Variants in NIT2 observed in about 807,000 individuals in gnomAD.
NIT2 encodes the protein omega-amidase NIT2.
Under a neutral mutation model 42.7 loss-of-function variants are expected in NIT2, and 46 were observed. That is an observed-to-expected ratio of 1.08 (90% CI 0.85 to 1.38). The LOEUF (loss-of-function observed/expected upper bound fraction) is 1.38, where lower values mean the gene tolerates loss of function less well. NIT2 is among the 40% of genes most tolerant of loss of function. The pLI is 0.00. For missense variants in NIT2, 309 were observed against 342.5 expected (o/e 0.90, Z 0.77); for synonymous variants, 123 against 121.9 (o/e 1.01, Z -0.06).
chr3:100,336,437 C>T (rs1252609781), intron 1 of NIT2, among the ~76,000 whole-genome samples: 1 of 151,992 alleles, frequency 6.6e-6, no homozygotes, highest in Non-Finnish European at 1.5e-5. Flanking sequence ...TAGGGGGGCC[C>T]AGGGGACCAG....
intron 1 of NIT2, among the ~76,000 whole-genome samples, chr3:100,337,963 T>TA (rs1213643768): frequency 6.6e-6 from 1 of 152,034 alleles, no homozygotes; most frequent in Non-Finnish European, 1.5e-5. Flanking sequence ...CCCAGCTACA[T>TA]AAGAGGCTGA....
intron 8 of NIT2, 36 bp from the exon 9 acceptor site, chr3:100,354,736 A>G: frequency 6.4e-7 from 1 of 1,553,156 alleles, no homozygotes; most frequent in South Asian, 1.2e-5. Flanking sequence ...ACCAAACATC[A>G]GTGAATCCAC....
intron 4 of NIT2, 23 bp downstream of exon 4, chr3:100,341,184 G>A: frequency 6.4e-7 from 1 of 1,554,322 alleles, no homozygotes; most frequent in Non-Finnish European, 8.9e-7. Context: ...TGTGGCATAA[G>A]AATTTGTTAT....
At chr3:100,350,894 C>A (rs1201316888) in intron 7 of NIT2, among the ~76,000 whole-genome samples, 7 of 150,026 alleles carry the variant, frequency 4.7e-5, no homozygotes, top group Non-Finnish European at 1.0e-4. Context: ...GTGTGATGTT[C>A]CCCTTCGTGT....
At chr3:100,343,356 A>G (rs930527929) in intron 4 of NIT2, among the ~76,000 whole-genome samples, 2 of 151,856 alleles carry the variant, frequency 1.3e-5, no homozygotes, top group African/African-American at 4.8e-5. Flanking sequence ...ATATTTTTCC[A>G]AGGTCACCAG....
chr3:100,354,361 G>A (rs903595740), intron 8 of NIT2, among the ~76,000 whole-genome samples: 4 of 152,260 alleles, frequency 2.6e-5, no homozygotes, highest in African/African-American at 9.6e-5. Context: ...GGTATGAAGA[G>A]TGGGTCTGGA....
At chr3:100,336,976 A>G (rs1253900807) in intron 1 of NIT2, among the ~76,000 whole-genome samples, 1 of 152,202 alleles carries the variant, frequency 6.6e-6, no homozygotes, top group East Asian at 1.9e-4. Flanking sequence ...TGGCTTTCCT[A>G]GGCAGAGGTC....
At chr3:100,349,588 A>T (rs928074156) in intron 7 of NIT2, 1 of 152,254 alleles carries the variant, frequency 6.6e-6, no homozygotes, top group Admixed American at 6.5e-5. Context: ...AAAGGCAGGG[A>T]TTAGTTTAGC....
intron 4 of NIT2, among the ~76,000 whole-genome samples, chr3:100,342,558 T>C (rs1706168371): frequency 6.6e-6 from 1 of 151,758 alleles, no homozygotes; most frequent in Admixed American, 6.6e-5. Flanking sequence ...GGAATTATCA[T>C]ATGCATCCTT....
intron 1 of NIT2, among the ~76,000 whole-genome samples, chr3:100,335,933 C>T (rs1435725004): frequency 2.0e-5 from 3 of 152,228 alleles, no homozygotes; most frequent in Non-Finnish European, 2.9e-5. Context: ...AATGGCTTAA[C>T]GCTGGGAAAT....
intron 8 of NIT2, among the ~76,000 whole-genome samples, chr3:100,354,056 G>A (rs182734852): frequency 2.0e-5 from 3 of 152,298 alleles, no homozygotes; most frequent in African/African-American, 4.8e-5. Flanking sequence ...GGTTACAGGC[G>A]TGAGCTACCG....
In NIT2 at chr3:100,357,644, T is replaced by C. The variant is rs930909201; in HGVS notation, c.*2376T>C. ...GCTAAACTTTTTACATTTCTTTTTT[T>C]TTTTTTTTTTTTTTTGAGACAGAGT... On this transcript the variant is annotated 3_prime_UTR_variant, in exon 10 of 10. Transcript: ENST00000394140. The C allele has an allele frequency of 2.2e-4, 31 of 143,736 alleles. No homozygotes were observed. The highest frequency in any genetic ancestry group is 2.2e-4 in the South Asian group (1 of 4,604). The allele number at this position is 143,736 out of a possible 1,614,324, so 8.9% of individuals were successfully genotyped here. A position where few individuals can be genotyped will look rare whatever the true frequency, so the allele number is the denominator to read the frequency against.
chr3:100,356,543 C>A lies in NIT2; in HGVS notation c.*1275C>A, dbSNP rs187858385. ...CCATTAGCTATTAAGGTGATGGACA[C>A]GGTGTCCAAATGACACGGTGTCATT... On this transcript the variant is annotated 3_prime_UTR_variant, in exon 10 of 10. Transcript: ENST00000394140. 1 of 152,240 alleles carries A rather than the reference C, an allele frequency of 6.6e-6. No homozygotes were observed. Among genetic ancestry groups the A allele is most frequent in the East Asian group, 1.9e-4 (1 of 5,188 alleles). 9.4% of individuals were successfully genotyped at this position (152,240 alleles called of 1,614,324 possible). A position where few individuals can be genotyped will look rare whatever the true frequency, so the allele number is the denominator to read the frequency against.
At position 100,357,048 on chromosome 3, in the gene NIT2, G is replaced by A. The variant is rs1706331342; in HGVS notation, c.*1780G>A. 6.6e-6 allele frequency: 1 copy of A among 152,082 alleles called. No homozygotes were observed. The highest frequency in any genetic ancestry group is 1.5e-5 in the Non-Finnish European group (1 of 68,018). The allele number at this position is 152,082 out of a possible 1,614,324, so 9.4% of individuals were successfully genotyped here. A position where few individuals can be genotyped will look rare whatever the true frequency, so the allele number is the denominator to read the frequency against. ...TCAAAATTACTTGGAGATTCATCTG[G>A]TATGTGCATTAATAATTCATAATTC... is the stretch of plus-strand genomic sequence containing the variant. On this transcript the variant is annotated 3_prime_UTR_variant, in exon 10 of 10. Transcript: ENST00000394140.
intron 3 of NIT2, 84 bp from the exon 4 acceptor site, chr3:100,340,989 C>A: frequency 1.1e-6 from 1 of 885,440 alleles, no homozygotes; most frequent in Non-Finnish European, 1.8e-6. Flanking sequence ...ATTTTTGGAC[C>A]CAAGTTATCA....
intron 6 of NIT2, among the ~76,000 whole-genome samples, chr3:100,348,534 T>C (rs1465076069): frequency 6.6e-6 from 1 of 152,226 alleles, no homozygotes; most frequent in African/African-American, 2.4e-5. Flanking sequence ...CTTGCGACCG[T>C]CCTGTATTAT....
rs556916903 is a variant in NIT2, at chr3:100,339,790, T to A, written c.127-25T>A. ...AAATGGGTGGGTGTTTTGATCTTTT[T>A]TTTTCTCTGCCAATATTTTTCTAGG... On this transcript the variant is annotated intron_variant, in intron 2 of 9. Transcript: ENST00000394140. 37 of 1,596,228 alleles carry A rather than the reference T, an allele frequency of 2.3e-5. No homozygotes were observed. The South Asian group carries it at 3.6e-4, about 16-fold the overall frequency.
chr3:100,342,480 T>G (rs916733902), intron 4 of NIT2, among the ~76,000 whole-genome samples: 5 of 152,018 alleles, frequency 3.3e-5, no homozygotes, highest in African/African-American at 9.7e-5. Flanking sequence ...TAGAGTTCTG[T>G]TTTAATTTAT....
chr3:100,335,849 A>G (rs1327954632), intron 1 of NIT2, among the ~76,000 whole-genome samples: 1 of 152,188 alleles, frequency 6.6e-6, no homozygotes, highest in Non-Finnish European at 1.5e-5. Flanking sequence ...TGTCTGTACT[A>G]AAAAATACAA....
Sources: allele counts gnomAD v4.1 joint callset (sites outside exome capture counted in the v4.1 genomes callset), GRCh38; gene constraint gnomAD v4.1.1; transcripts MANE v1.5; gene names NCBI Gene and HGNC (gene_info 2026-07-23, HGNC 2026-07-21).